The following CRB1 variants were observed in gnomAD, a reference collection of about 807,000 sequenced individuals.
CRB1 encodes crumbs cell polarity complex component 1.
A neutral mutation model predicts 120.0 loss-of-function variants in CRB1; 83 were observed. The observed-to-expected ratio is 0.69, with a 90% CI of 0.58 to 0.83. The LOEUF (loss-of-function observed/expected upper bound fraction) is 0.83, where lower values mean the gene tolerates loss of function less well. CRB1 is among the 40% of genes least tolerant of loss of function. The probability of loss-of-function intolerance (pLI) is 0.00; values close to 1 mark genes in which losing one functional copy is unlikely to be tolerated. For synonymous variants in CRB1, 625 were observed against 612.5 expected, an observed-to-expected ratio of 1.02 and a Z score of -0.30; for missense variants, 1,699 against 1,687.6, an observed-to-expected ratio of 1.01 and a Z score of -0.12.
chr1:197,421,541 G>C lies in CRB1; in HGVS notation c.1713G>C (p.Glu571Asp), dbSNP rs375514026. 7 of 1,614,102 alleles carry C rather than the reference G, an allele frequency of 4.3e-6. No homozygotes were observed. In the African/African-American group the frequency reaches 9.3e-5, roughly 22 times the overall value. ...NTSDGEWHFV[E>D]VIFAEAVTLT... ...GCGATGGAGAGTGGCATTTCGTGGA[G>C]GTAATATTTGCAGAGGCTGTGACCC... Residue 571 changes from glutamate to aspartate, a missense_variant, in exon 6 of 12, where the codon GAG becomes GAC. Glu to Asp is a conservative substitution (Grantham distance 45). Coordinates refer to ENST00000367400, the MANE Select transcript of CRB1 (RefSeq NM_201253.3).
chr1:197,428,585 G>T (rs533753102), intron 7 of CRB1, among the ~76,000 whole-genome samples: 4 of 152,242 alleles, frequency 2.6e-5, no homozygotes, highest in Non-Finnish European at 4.4e-5. Context: ...AAAAGGAAAC[G>T]CATTTCTGTG....
chr1:197,398,362 C>A (rs1662882326), intron 5 of CRB1, among the ~76,000 whole-genome samples: 4 of 152,066 alleles, frequency 2.6e-5, no homozygotes, highest in African/African-American at 4.8e-5. Flanking sequence ...GCATTGTAAA[C>A]AAGGGCATCA....
chr1:197,275,186 C>A (rs1199664605), intron 1 of CRB1, among the ~76,000 whole-genome samples: 1 of 152,030 alleles, frequency 6.6e-6, no homozygotes, highest in African/African-American at 2.4e-5. Flanking sequence ...TAGATTCACC[C>A]TAATGACCCC....
In CRB1 at chr1:197,331,058, T is replaced by C. The variant is rs574961687; in HGVS notation, c.652+2055T>C. On this transcript the variant is annotated intron_variant, in intron 2 of 11. Transcript: ENST00000367400. ...TTAGCCAGGTGTGGTGGCGGGCGCC[T>C]GTAGTCGCAGCTACTCATGAACCCG... Among the ~76,000 whole-genome samples, 64 of 151,966 alleles carry C rather than the reference T, an allele frequency of 4.2e-4. No homozygotes were observed. The South Asian group carries it at 0.013, about 31-fold the overall frequency.
At chr1:197,302,401 T>C (rs75279893) in intron 1 of CRB1, among the ~76,000 whole-genome samples, 9,188 of 152,276 alleles carry the variant, frequency 0.06, 965 homozygotes, top group African/African-American at 0.21. Flanking sequence ...CCAAAAATAT[T>C]GTGTGTCTCA....
chr1:197,438,618 G>A lies in CRB1; in HGVS notation c.3821G>A (p.Cys1274Tyr), dbSNP rs768075194. ...TNLTCYNGGN[C>Y]TEFQTELKCM... Reference sequence around the variant, plus strand: ...CTCACTTGCTACAATGGAGGCAACTGCACAGAGTTCCAGACTGAATTAAAA... The same window carrying A: ...CTCACTTGCTACAATGGAGGCAACTACACAGAGTTCCAGACTGAATTAAAA... Residue 1274 changes from cysteine (C) to tyrosine (Y), a missense_variant, in exon 10 of 12, where the codon TGC becomes TAC. Physicochemically the swap from Cys to Tyr is radical, Grantham distance 194. Coordinates refer to ENST00000367400, the MANE Select transcript of CRB1 (RefSeq NM_201253.3). The A allele has an allele frequency of 8.1e-6, 13 of 1,612,846 alleles. No homozygotes were observed. The South Asian group carries it at 1.2e-4, about 15-fold the overall frequency.
the CRB1 span, among the ~76,000 whole-genome samples, chr1:197,203,323 T>A: frequency 6.6e-6 from 1 of 151,522 alleles, no homozygotes. Flanking sequence ...ATTACTTGAC[T>A]TTTTTTTTCT....
chr1:197,252,594 G>A, the CRB1 span, among the ~76,000 whole-genome samples: 1,545 of 98,638 alleles, frequency 0.016, 5 homozygotes, highest in Non-Finnish European at 0.022. Context: ...GTGTGTGTGT[G>A]TGTGTGTGTG....
At chr1:197,207,240 A>G in the CRB1 span, among the ~76,000 whole-genome samples, 703 of 148,948 alleles carry the variant, frequency 4.7e-3, 4 homozygotes, top group South Asian at 0.011. Context: ...GTGAGGTACT[A>G]TTCTATTCAT....
chr1:197,207,726 G>C, the CRB1 span, among the ~76,000 whole-genome samples: 1 of 151,994 alleles, frequency 6.6e-6, no homozygotes, highest in African/African-American at 2.4e-5. Flanking sequence ...AAATTTCCCA[G>C]GTGTTCTTTG....
intron 1 of CRB1, among the ~76,000 whole-genome samples, chr1:197,299,914 A>G (rs926227757): frequency 1.3e-5 from 2 of 151,620 alleles, no homozygotes; most frequent in African/African-American, 4.9e-5. Context: ...TCACATTCTG[A>G]TAATTTTTGC....
In CRB1 at chr1:197,427,664, C is replaced by A. The variant is rs1481310279; in HGVS notation, c.2339C>A (p.Pro780His). The change falls in exon 7 of 12, where the codon CCC becomes CAC. Residue 780 changes from proline to histidine, a missense_variant. Coordinates refer to ENST00000367400, the MANE Select transcript of CRB1 (RefSeq NM_201253.3). Reference sequence around the variant, plus strand: ...CTAGCAATGCTGACTCCAAACTCTCCCAAATTAGTAGTAAAATTTGTTCTT... The same window carrying A: ...CTAGCAATGCTGACTCCAAACTCTCACAAATTAGTAGTAAAATTTGTTCTT... ...GRLAMLTPNS[P>H]KLVVKFVLND... 2.5e-6 allele frequency: 4 copies of A among 1,613,776 alleles called. No homozygotes were observed. Among genetic ancestry groups the A allele is most frequent in the Non-Finnish European group, 2.5e-6 (3 of 1,179,888 alleles).
In CRB1 at chr1:197,420,981, CT is replaced by C. The variant is rs758879147; in HGVS notation, c.1172-13del. 3.5e-6 allele frequency: 5 copies of C among 1,433,970 alleles called. No homozygotes were observed. Among genetic ancestry groups the C allele is most frequent in the Non-Finnish European group, 4.9e-6 (5 of 1,016,416 alleles). The allele number at this position is 1,433,970 out of a possible 1,614,324, so 88.8% of individuals were successfully genotyped here. A position where few individuals can be genotyped will look rare whatever the true frequency, so the allele number is the denominator to read the frequency against. The stretch of plus-strand genomic sequence containing the variant: ...GATGTGAATATATATAATTTTAGCC[CT>C]TTTTTATTATTTAACAGGAATCCAC... On this transcript the variant is annotated intron_variant, in intron 5 of 11. Transcript: ENST00000367400.
chr1:197,265,880 A>G (rs995404415), upstream of CRB1, among the ~76,000 whole-genome samples: 2 of 152,116 alleles, frequency 1.3e-5, no homozygotes, highest in African/African-American at 2.4e-5. Context: ...TTTTCCAAAC[A>G]TTGCTACATT....
intron 5 of CRB1, chr1:197,413,983 T>A: frequency 2.2e-6 from 1 of 456,920 alleles, no homozygotes; most frequent in Non-Finnish European, 4.4e-6. Flanking sequence ...TTTCACATTT[T>A]AATGGCAATG....
intron 5 of CRB1, among the ~76,000 whole-genome samples, chr1:197,365,093 A>G (rs1473445754): frequency 1.3e-5 from 2 of 152,068 alleles, no homozygotes; most frequent in African/African-American, 4.8e-5. Context: ...TGATCAGTTT[A>G]TTTTCTGATT....
intron 1 of CRB1, among the ~76,000 whole-genome samples, chr1:197,302,536 G>T (rs1289781325): frequency 6.6e-6 from 1 of 152,070 alleles, no homozygotes; most frequent in Non-Finnish European, 1.5e-5. Flanking sequence ...CCTAAAAAAG[G>T]CTAATATACA....
intron 5 of CRB1, among the ~76,000 whole-genome samples, chr1:197,372,313 C>T (rs145842657): frequency 3.5e-4 from 53 of 152,208 alleles, no homozygotes; most frequent in Non-Finnish European, 6.2e-4. Flanking sequence ...TTGTGACCCA[C>T]GTAAGGGAGC....
At chr1:197,236,648 G>C in the CRB1 span, among the ~76,000 whole-genome samples, 1 of 152,162 alleles carries the variant, frequency 6.6e-6, no homozygotes, top group Non-Finnish European at 1.5e-5. Context: ...AATGCTAGCT[G>C]TGGGGTTTGC....
Sources: gnomAD v4.1 joint callset for allele counts (sites outside exome capture counted in the v4.1 genomes callset) on GRCh38, gnomAD v4.1.1 for gene constraint, MANE v1.5 for transcripts, NCBI Gene and HGNC (gene_info 2026-07-23, HGNC 2026-07-21) for gene names.